Variants in SIPA1L3 observed in about 807,000 individuals in gnomAD.
SIPA1L3 encodes signal induced proliferation associated 1 like 3.
Under a neutral mutation model 150.1 loss-of-function variants are expected in SIPA1L3, and 59 were observed. The observed-to-expected ratio is 0.39, with a 90% CI of 0.32 to 0.49. SIPA1L3 has a LOEUF of 0.49. Among genes scored for constraint, SIPA1L3 ranks in the 20% least tolerant of loss-of-function variants. The pLI, the probability that SIPA1L3 is intolerant of heterozygous loss-of-function variation, is 0.86. For missense variants in SIPA1L3, 2,211 were observed against 2,489.5 expected, an observed-to-expected ratio of 0.89 and a Z score of 2.38; for synonymous variants, 1,070 against 1,077.6, an observed-to-expected ratio of 0.99 and a Z score of 0.14.
chr19:38,162,819 G>A (rs565596861), intron 14 of SIPA1L3, among the ~76,000 whole-genome samples: 48 of 152,294 alleles, frequency 3.2e-4, no homozygotes, highest in African/African-American at 2.4e-4. Flanking sequence ...GGGTCCCTGC[G>A]TCTTTCCAGC....
chr19:38,000,898 A>ATATATATATATGT lies in SIPA1L3; in HGVS notation c.-378-28180_-378-28179insGTTATATATATAT, dbSNP rs1967772913. ...TTTTTTATATATATATATATGTTAT[A>ATATATATATATGT]TATATATATATAACATATATATAAC... On this transcript the variant is annotated intron_variant, in intron 1 of 21. Coordinates refer to ENST00000222345, the MANE Select transcript of SIPA1L3 (RefSeq NM_015073.3). Among the ~76,000 whole-genome samples, 7 of 85,176 alleles carry ATATATATATATGT rather than the reference A, an allele frequency of 8.2e-5. 1 individual carries two copies. In the South Asian group the frequency reaches 2.8e-3, roughly 35 times the overall value. The allele number at this position is 85,176 out of a possible 152,430, so 55.9% of individuals were successfully genotyped here.
chr19:38,097,013 A>T (rs761931401), intron 4 of SIPA1L3, among the ~76,000 whole-genome samples: 5 of 152,220 alleles, frequency 3.3e-5, no homozygotes, highest in Non-Finnish European at 7.3e-5. Context: ...GCTGCAGCTC[A>T]TATATGTAGC....
At chr19:38,083,992 C>CAA (rs748446835) in intron 3 of SIPA1L3, among the ~76,000 whole-genome samples, 135 of 71,426 alleles carry the variant, frequency 1.9e-3, no homozygotes, top group African/African-American at 6.3e-3. Context: ...GACTCTGTCT[C>CAA]AAAAAAAAAA....
At chr19:38,150,926 A>G (rs1159483123) in intron 12 of SIPA1L3, among the ~76,000 whole-genome samples, 1 of 152,146 alleles carries the variant, frequency 6.6e-6, no homozygotes, top group East Asian at 1.9e-4. Flanking sequence ...GAAGTAACCA[A>G]AATTTGGCTC....
chr19:37,962,972 C>CTT (rs2046872947), intron 1 of SIPA1L3, among the ~76,000 whole-genome samples: 1 of 108,862 alleles, frequency 9.2e-6, no homozygotes, highest in Non-Finnish European at 2.1e-5. Context: ...ACTCTTTTCT[C>CTT]TTTTAAAAAA....
intron 1 of SIPA1L3, among the ~76,000 whole-genome samples, chr19:38,028,214 A>G (rs910160913): frequency 1.3e-5 from 2 of 152,196 alleles, no homozygotes; most frequent in African/African-American, 4.8e-5. Context: ...TAAATTAATA[A>G]TATAAAGTTC....
rs34881450 is a variant in SIPA1L3, at chr19:37,937,741, C to CAAAAAAAAAAAAAAAAAAAAAAAAAAAA, written c.-379+30406_-379+30407insAAAAAAAAAAAAAAAAAAAAAAAAAAAA. The stretch of plus-strand genomic sequence containing the variant: ...AGGGCGACAGAGTGAAACCCTGTCT[C>CAAAAAAAAAAAAAAAAAAAAAAAAAAAA]AAAAAAAAAAAAAAAAAAAAAAAGA... On this transcript the variant is annotated intron_variant, in intron 1 of 21. Coordinates refer to ENST00000222345, the MANE Select transcript of SIPA1L3 (RefSeq NM_015073.3). Among the ~76,000 whole-genome samples, 27 of 18,672 alleles carry CAAAAAAAAAAAAAAAAAAAAAAAAAAAA rather than the reference C, an allele frequency of 1.4e-3. 6 individuals carry two copies. Among genetic ancestry groups the CAAAAAAAAAAAAAAAAAAAAAAAAAAAA allele is most frequent in the South Asian group, 4.6e-3 (1 of 216 alleles). 12.2% of individuals were successfully genotyped at this position (18,672 alleles called of 152,430 possible). A position where few individuals can be genotyped will look rare whatever the true frequency, so the allele number is the denominator to read the frequency against.
intron 15 of SIPA1L3, among the ~76,000 whole-genome samples, chr19:38,170,316 G>A (rs1388714592): frequency 1.3e-5 from 2 of 152,148 alleles, no homozygotes; most frequent in Non-Finnish European, 2.9e-5. Flanking sequence ...ACCTGCTTGG[G>A]GCCAGACCTT....
intron 7 of SIPA1L3, 62 bp from the exon 8 acceptor site, chr19:38,110,165 A>T: frequency 6.5e-7 from 1 of 1,540,246 alleles, no homozygotes; most frequent in Non-Finnish European, 8.9e-7. Context: ...GCAGTGGTCC[A>T]GGCAGGACCC....
At chr19:38,040,342 A>G (rs1016009764) in intron 2 of SIPA1L3, among the ~76,000 whole-genome samples, 5 of 149,144 alleles carry the variant, frequency 3.4e-5, no homozygotes, top group Non-Finnish European at 7.4e-5. Flanking sequence ...AACACTCAGG[A>G]AGCCATTCCT....
At chr19:37,951,893 CAAAAAAAAAAAAAAA>C (rs5827992) in intron 1 of SIPA1L3, among the ~76,000 whole-genome samples, 1 of 83,896 alleles carries the variant, frequency 1.2e-5, no homozygotes, top group Non-Finnish European at 2.1e-5. Context: ...AAGACTGTCT[CAAAAAAAAAAAAAAA>C]AAAAAAAAGC....
chr19:38,191,398 C>CAA (rs749460599), intron 16 of SIPA1L3, among the ~76,000 whole-genome samples: 5 of 120,072 alleles, frequency 4.2e-5, no homozygotes, highest in Non-Finnish European at 5.5e-5. Context: ...GGCTCTGTCT[C>CAA]AAAAAAAAAA....
intron 1 of SIPA1L3, among the ~76,000 whole-genome samples, chr19:37,953,788 A>T (rs1461772481): frequency 6.6e-6 from 1 of 152,170 alleles, no homozygotes; most frequent in African/African-American, 2.4e-5. Flanking sequence ...ATTGTCTGAA[A>T]TCTTGCTTTC....
intron 1 of SIPA1L3, among the ~76,000 whole-genome samples, chr19:37,924,226 A>G (rs1408434874): frequency 6.6e-6 from 1 of 152,070 alleles, no homozygotes; most frequent in Non-Finnish European, 1.5e-5. Flanking sequence ...TGCTTTTAGT[A>G]AAAACTAAGA....
intron 1 of SIPA1L3, among the ~76,000 whole-genome samples, chr19:37,976,215 C>T (rs901918217): frequency 3.7e-4 from 56 of 151,980 alleles, no homozygotes; most frequent in African/African-American, 1.1e-3. Flanking sequence ...AACATGCCCA[C>T]GGCGCCCCAG....
chr19:38,040,187 C>T (rs1451219098), intron 2 of SIPA1L3, among the ~76,000 whole-genome samples: 1 of 152,186 alleles, frequency 6.6e-6, no homozygotes, highest in Non-Finnish European at 1.5e-5. Flanking sequence ...GTTAGTCACA[C>T]TTTTCACAGA....
At chr19:38,120,239 A>T (rs1432770951) in intron 9 of SIPA1L3, among the ~76,000 whole-genome samples, 2 of 151,826 alleles carry the variant, frequency 1.3e-5, no homozygotes, top group Non-Finnish European at 2.9e-5. Context: ...GAGGTGGTGG[A>T]TCGCTTGAGC....
intron 2 of SIPA1L3, among the ~76,000 whole-genome samples, chr19:38,035,286 C>G (rs1968754206): frequency 1.3e-5 from 2 of 152,212 alleles, no homozygotes; most frequent in African/African-American, 2.4e-5. Flanking sequence ...TCCATCCTTC[C>G]AACCAACCAT....
At chr19:38,102,758 G>C (rs1413350666) in intron 6 of SIPA1L3, among the ~76,000 whole-genome samples, 1 of 151,766 alleles carries the variant, frequency 6.6e-6, no homozygotes. Context: ...CTTGAGCCTG[G>C]GAGTTTGAGA....
Sources: gnomAD v4.1 joint callset for allele counts (sites outside exome capture counted in the v4.1 genomes callset) on GRCh38, gnomAD v4.1.1 for gene constraint, MANE v1.5 for transcripts, NCBI Gene and HGNC (gene_info 2026-07-23, HGNC 2026-07-21) for gene names.